The following PTPRT variants were observed in gnomAD, a reference collection of about 807,000 sequenced individuals.
PTPRT encodes the protein receptor-type tyrosine-protein phosphatase T.
PTPRT carries 56 observed loss-of-function variants against 176.8 expected under a neutral mutation model. The observed-to-expected ratio is 0.32, with a 90% confidence interval of 0.26 to 0.40. PTPRT has a LOEUF of 0.40. PTPRT is among the 10% of genes least tolerant of loss of function. The pLI is 1.00. For missense variants in PTPRT, 1,540 were observed against 1,908.2 expected (o/e 0.81, Z 3.60); for synonymous variants, 783 against 739.0 (o/e 1.06, Z -0.96).
chr20:42,600,860 C>A (rs6102928), intron 7 of PTPRT, among the ~76,000 whole-genome samples: 1 of 152,012 alleles, frequency 6.6e-6, no homozygotes, highest in East Asian at 1.9e-4. Flanking sequence ...CCTCTGTTAA[C>A]GGACACTAAG....
intron 16 of PTPRT, among the ~76,000 whole-genome samples, chr20:42,188,666 C>A (rs1990875007): frequency 6.6e-6 from 1 of 152,268 alleles, no homozygotes; most frequent in South Asian, 2.1e-4. Context: ...TGCTACCTAG[C>A]AACTATATAT....
intron 1 of PTPRT, among the ~76,000 whole-genome samples, chr20:43,024,673 A>G (rs1985842284): frequency 6.6e-6 from 1 of 152,184 alleles, no homozygotes; most frequent in Admixed American, 6.5e-5. Flanking sequence ...GGTATTAATA[A>G]AAGTATTGAC....
chr20:42,216,134 C>T (rs986488083), intron 15 of PTPRT, among the ~76,000 whole-genome samples: 1 of 152,178 alleles, frequency 6.6e-6, no homozygotes, highest in Non-Finnish European at 1.5e-5. Context: ...ATGCCCACAT[C>T]TCTTCTCAGA....
intron 7 of PTPRT, among the ~76,000 whole-genome samples, chr20:42,632,361 C>T (rs1254216409): frequency 6.6e-6 from 1 of 152,046 alleles, no homozygotes; most frequent in African/African-American, 2.4e-5. Flanking sequence ...GCCTCAGCCT[C>T]CTTAATAGCT....
chr20:42,853,421 A>G (rs1316077055), intron 2 of PTPRT, among the ~76,000 whole-genome samples: 1 of 152,178 alleles, frequency 6.6e-6, no homozygotes, highest in Non-Finnish European at 1.5e-5. Context: ...GAGAACTAGA[A>G]GAGGTGATGG....
intron 7 of PTPRT, among the ~76,000 whole-genome samples, chr20:42,579,505 A>G (rs1015479435): frequency 6.6e-6 from 1 of 152,192 alleles, no homozygotes; most frequent in African/African-American, 2.4e-5. Flanking sequence ...CAATGGTTGA[A>G]CTAGTTTACA....
chr20:42,941,640 C>A (rs917770825), intron 1 of PTPRT, among the ~76,000 whole-genome samples: 1 of 152,214 alleles, frequency 6.6e-6, no homozygotes, highest in Non-Finnish European at 1.5e-5. Context: ...TCCCGTCCTT[C>A]TGGGCCCCAG....
intron 13 of PTPRT, among the ~76,000 whole-genome samples, chr20:42,263,371 C>CTTTTTTTTTT (rs11477690): frequency 2.0e-5 from 1 of 50,958 alleles, no homozygotes; most frequent in African/African-American, 1.1e-4. Context: ...CCATGCCTGG[C>CTTTTTTTTTT]TTTTTTTTTT....
At chr20:42,759,052 G>C (rs902320424) in intron 5 of PTPRT, among the ~76,000 whole-genome samples, 1 of 152,084 alleles carries the variant, frequency 6.6e-6, no homozygotes. Flanking sequence ...GCAAACACCA[G>C]GAATGTATCC....
chr20:42,514,621 T>A (rs931176143), intron 7 of PTPRT, among the ~76,000 whole-genome samples: 1 of 152,194 alleles, frequency 6.6e-6, no homozygotes, highest in Non-Finnish European at 1.5e-5. Flanking sequence ...TGATTAACAT[T>A]ACTATTTGTA....
intron 1 of PTPRT, among the ~76,000 whole-genome samples, chr20:42,967,165 T>C (rs1413991918): frequency 6.6e-6 from 1 of 152,204 alleles, no homozygotes; most frequent in Non-Finnish European, 1.5e-5. Context: ...AACTGCTCCA[T>C]CCCTTTGGTA....
chr20:43,189,002 A>G lies in PTPRT; in HGVS notation c.88+644T>C, dbSNP rs2015469453. 6.6e-6 allele frequency among the ~76,000 whole-genome samples: 1 copy of G among 152,160 alleles called. No homozygotes were observed. The highest frequency in any genetic ancestry group is 1.5e-5 in the Non-Finnish European group (1 of 68,024). ...CACGGGTCAAATCCACTCCCCTCCAAGGGCCTTAACACGGGCGCCCAGCTA... is the reference window on the plus strand; with the variant it reads ...CACGGGTCAAATCCACTCCCCTCCAGGGGCCTTAACACGGGCGCCCAGCTA... On this transcript the variant is annotated intron_variant, in intron 1 of 30. Coordinates refer to ENST00000373187, the MANE Select transcript of PTPRT (RefSeq NM_007050.6). This position sits in a 1 kb window ranked among gnomAD's most constrained non-coding sequence, Gnocchi z 5.0.
chr20:43,170,566 A>T (rs1382122318), intron 1 of PTPRT, among the ~76,000 whole-genome samples: 1 of 152,210 alleles, frequency 6.6e-6, no homozygotes, highest in East Asian at 1.9e-4. Context: ...ATCACGACAC[A>T]TGCGTGAGTT....
chr20:42,299,032 C>T (rs2057423750), intron 12 of PTPRT, among the ~76,000 whole-genome samples: 1 of 151,898 alleles, frequency 6.6e-6, no homozygotes, highest in East Asian at 1.9e-4. Flanking sequence ...AGTATGTTAG[C>T]TTTTCTATAA....
intron 7 of PTPRT, among the ~76,000 whole-genome samples, chr20:42,535,610 G>A (rs1049736945): frequency 6.6e-6 from 1 of 152,216 alleles, no homozygotes; most frequent in Admixed American, 6.5e-5. Flanking sequence ...TAGAGCTATT[G>A]TGGGGGCTAC....
chr20:42,883,746 A>ACACACACC (rs2079050614), intron 2 of PTPRT, among the ~76,000 whole-genome samples: 22 of 7,888 alleles, frequency 2.8e-3, no homozygotes, highest in African/African-American at 5.3e-3. Context: ...ACACTCTCAC[A>ACACACACC]CATACCCATA....
At chr20:42,481,189 A>G (rs1031549421) in intron 7 of PTPRT, among the ~76,000 whole-genome samples, 3 of 152,294 alleles carry the variant, frequency 2.0e-5, no homozygotes. Flanking sequence ...ATAAATGTTT[A>G]TTTACAAAAA....
At chr20:42,582,760 GC>G (rs1418849917) in intron 7 of PTPRT, among the ~76,000 whole-genome samples, 1 of 152,070 alleles carries the variant, frequency 6.6e-6, no homozygotes, top group African/African-American at 2.4e-5. Context: ...CTCAGAGCTC[GC>G]CCAAAAAACT....
At chr20:42,223,130 A>C (rs1183738484) in intron 15 of PTPRT, among the ~76,000 whole-genome samples, 1 of 152,244 alleles carries the variant, frequency 6.6e-6, no homozygotes, top group Non-Finnish European at 1.5e-5. Context: ...TTTTCTTGAC[A>C]CAACACTTAC....
Sources: gnomAD v4.1 joint callset for allele counts (sites outside exome capture counted in the v4.1 genomes callset) on GRCh38, gnomAD v4.1.1 for gene constraint, Gnocchi (gnomAD v3.1) non-coding constraint, MANE v1.5 for transcripts, NCBI Gene and HGNC (gene_info 2026-07-23, HGNC 2026-07-21) for gene names.